CCNY: variants seen among roughly 807,000 people sequenced by gnomAD.
CCNY encodes the protein cyclin Y.
CCNY carries 19 observed loss-of-function variants against 42.8 expected under a neutral mutation model. That is an observed-to-expected ratio of 0.44 (90% confidence interval 0.31 to 0.65). The LOEUF (loss-of-function observed/expected upper bound fraction) is 0.65, where lower values mean the gene tolerates loss of function less well. Ranked by LOEUF, CCNY falls within the 30% of genes least tolerant of loss-of-function variation. The probability of loss-of-function intolerance (pLI) is 0.07; values close to 1 mark genes in which losing one functional copy is unlikely to be tolerated. For missense variants in CCNY, 370 were observed against 437.3 expected, an observed-to-expected ratio of 0.85 and a Z score of 1.37; for synonymous variants, 165 against 162.7, an observed-to-expected ratio of 1.01 and a Z score of -0.11.
At chr10:35,291,012 T>A (rs976712604) in intron 3 of CCNY, among the ~76,000 whole-genome samples, 18 of 142,586 alleles carry the variant, frequency 1.3e-4, no homozygotes, top group African/African-American at 4.6e-4. Flanking sequence ...AAATATGACT[T>A]TTTTTTTTTT....
At chr10:35,254,285 C>G (rs1361228744) in intron 3 of CCNY, among the ~76,000 whole-genome samples, 2 of 152,102 alleles carry the variant, frequency 1.3e-5, no homozygotes, top group African/African-American at 4.8e-5. Context: ...AATTCACCAT[C>G]AGTAAATGTG....
chr10:35,368,401 A>G (rs750598137), intron 1 of CCNY, among the ~76,000 whole-genome samples: 4 of 152,216 alleles, frequency 2.6e-5, no homozygotes, highest in Non-Finnish European at 5.9e-5. Flanking sequence ...CTGAACTGGT[A>G]GGCTTTTATT....
chr10:35,449,201 G>A (rs942385948), intron 1 of CCNY, among the ~76,000 whole-genome samples: 4 of 150,164 alleles, frequency 2.7e-5, no homozygotes, highest in African/African-American at 9.8e-5. Flanking sequence ...TGTGGCTGAG[G>A]TCACCACGCA....
At chr10:35,512,188 G>C (rs893540820) in intron 3 of CCNY, among the ~76,000 whole-genome samples, 1 of 152,200 alleles carries the variant, frequency 6.6e-6, no homozygotes, top group Non-Finnish European at 1.5e-5. Flanking sequence ...CTGGTTTTAA[G>C]CCATTACAGT....
chr10:35,519,659 A>C (rs1248562876), intron 4 of CCNY, among the ~76,000 whole-genome samples: 1 of 151,974 alleles, frequency 6.6e-6, no homozygotes, highest in Non-Finnish European at 1.5e-5. Context: ...ATGAGACTTC[A>C]GTGTAGATTC....
At chr10:35,396,837 G>A (rs1486605355) in intron 1 of CCNY, among the ~76,000 whole-genome samples, 4 of 152,192 alleles carry the variant, frequency 2.6e-5, no homozygotes, top group African/African-American at 7.2e-5. Flanking sequence ...ATCTGGAGGC[G>A]CAGACTGTTC....
intron 3 of CCNY, among the ~76,000 whole-genome samples, chr10:35,322,151 C>A (rs549423372): frequency 6.6e-6 from 1 of 152,250 alleles, no homozygotes; most frequent in African/African-American, 2.4e-5. Flanking sequence ...GTCAGGAGAT[C>A]AAGACCATAC....
At chr10:35,258,756 T>C (rs1028549317) in intron 3 of CCNY, among the ~76,000 whole-genome samples, 3 of 151,236 alleles carry the variant, frequency 2.0e-5, no homozygotes, top group Non-Finnish European at 4.4e-5. Context: ...GCCAACAGAG[T>C]GAAACCCTGT....
chr10:35,271,620 C>A (rs1589010218), intron 3 of CCNY, among the ~76,000 whole-genome samples: 1 of 152,164 alleles, frequency 6.6e-6, no homozygotes, highest in African/African-American at 2.4e-5. Flanking sequence ...GACTGCTGTC[C>A]TCTGAGAGGA....
chr10:35,501,446 C>T (rs373905877), intron 2 of CCNY, 55 bp from the exon 3 acceptor site: 174 of 1,524,702 alleles, frequency 1.1e-4, no homozygotes, highest in Non-Finnish European at 1.5e-4. Flanking sequence ...CATCCACCTG[C>T]CAGGGGTTGG....
intron 3 of CCNY, among the ~76,000 whole-genome samples, chr10:35,508,752 T>C (rs1840263632): frequency 6.6e-6 from 1 of 152,248 alleles, no homozygotes; most frequent in Non-Finnish European, 1.5e-5. Context: ...AATTAAGTTT[T>C]ATTGATACAT....
chr10:35,560,365 G>T (rs931159485), intron 8 of CCNY, among the ~76,000 whole-genome samples: 1 of 152,152 alleles, frequency 6.6e-6, no homozygotes, highest in Non-Finnish European at 1.5e-5. Flanking sequence ...TGGAGATAAG[G>T]TTTTTAAAGA....
chr10:35,543,027 A>G (rs1207410700), intron 7 of CCNY, among the ~76,000 whole-genome samples: 1 of 152,210 alleles, frequency 6.6e-6, no homozygotes, highest in Non-Finnish European at 1.5e-5. Context: ...AGGATTTCAT[A>G]AACAGATACC....
chr10:35,413,540 G>T (rs1837958023), intron 1 of CCNY, among the ~76,000 whole-genome samples: 1 of 152,216 alleles, frequency 6.6e-6, no homozygotes, highest in Non-Finnish European at 1.5e-5. Context: ...GGGTGAAATT[G>T]CAGAGTCAGA....
chr10:35,511,106 T>C (rs186625449), intron 3 of CCNY, among the ~76,000 whole-genome samples: 1 of 152,324 alleles, frequency 6.6e-6, no homozygotes, highest in Non-Finnish European at 1.5e-5. Flanking sequence ...CCACACAGCA[T>C]GCCCCTTTCT....
At chr10:35,321,933 G>C (rs1835826648) in intron 3 of CCNY, among the ~76,000 whole-genome samples, 1 of 152,108 alleles carries the variant, frequency 6.6e-6, no homozygotes, top group Admixed American at 6.5e-5. Context: ...AAGTCAATAG[G>C]GGAAAGACAG....
chr10:35,569,383 A>G lies in CCNY; in HGVS notation c.*213A>G. ...CAGCTCGCTCTCCCCACTGTCAGCA[A>G]CAGCACTTCCTTCGTGGAGGAAGTG... On this transcript the variant is annotated 3_prime_UTR_variant, in exon 10 of 10. Coordinates refer to ENST00000374704, the MANE Select transcript of CCNY (RefSeq NM_145012.6). The G allele has an allele frequency of 1.8e-6, 1 of 564,930 alleles. No individual in the cohort carries two copies. Among genetic ancestry groups the G allele is most frequent in the Non-Finnish European group, 3.2e-6 (1 of 315,356 alleles). The allele number at this position is 564,930 out of a possible 1,614,324, so 35.0% of individuals were successfully genotyped here. A position where few individuals can be genotyped will look rare whatever the true frequency, so the allele number is the denominator to read the frequency against.
chr10:35,336,701 CG>C lies in CCNY; in HGVS notation c.-346del, dbSNP rs891836070. 7.0e-6 allele frequency among the ~76,000 whole-genome samples: 1 copy of C among 143,124 alleles called. No individual in the cohort carries two copies. The allele number at this position is 143,124 out of a possible 152,430, so 93.9% of individuals were successfully genotyped here. The stretch of plus-strand genomic sequence containing the variant: ...GAAGCGGACACCAACTGGGGAAGCG[CG>C]GGGGGGAGGCGGCCTGCGCGGCGCC... On this transcript the variant is annotated 5_prime_UTR_variant, in exon 1 of 10. Transcript: ENST00000374704.
intron 3 of CCNY, among the ~76,000 whole-genome samples, chr10:35,320,318 T>TA (rs1407952099): frequency 1.3e-5 from 2 of 152,098 alleles, no homozygotes; most frequent in African/African-American, 4.8e-5. Flanking sequence ...GTTTTAACAC[T>TA]AAAAAAATCA....
Sources: allele counts gnomAD v4.1 joint callset (sites outside exome capture counted in the v4.1 genomes callset), GRCh38; gene constraint gnomAD v4.1.1; transcripts MANE v1.5; gene names NCBI Gene and HGNC (gene_info 2026-07-23, HGNC 2026-07-21).